Variants in HDAC9 observed in about 807,000 individuals in gnomAD.
HDAC9 encodes the protein histone deacetylase 9, also known as MEF-2 interacting transcription repressor (MITR) protein.
A neutral mutation model predicts 139.4 loss-of-function variants in HDAC9; 41 were observed. That is an observed-to-expected ratio of 0.29 (90% CI 0.23 to 0.38). The LOEUF is 0.38. Among genes scored for constraint, HDAC9 ranks in the 10% least tolerant of loss-of-function variants. The probability of loss-of-function intolerance (pLI) is 1.00; values close to 1 mark genes in which losing one functional copy is unlikely to be tolerated. For missense variants in HDAC9, 1,147 were observed against 1,297.0 expected (o/e 0.88, Z 1.78); for synonymous variants, 517 against 476.2 (o/e 1.09, Z -1.12).
At chr7:18,276,481 A>G (rs1796727593) in intron 2 of HDAC9, among the ~76,000 whole-genome samples, 1 of 152,098 alleles carries the variant, frequency 6.6e-6, no homozygotes, top group South Asian at 2.1e-4. Context: ...TCTTTCTGTA[A>G]TTGTTTTTTA....
At position 18,999,112 on chromosome 7, in the gene HDAC9, G is replaced by T. The variant is rs1786621654; in HGVS notation, c.*3050G>T. 6.6e-6 allele frequency: 1 copy of T among 152,092 alleles called. No homozygotes were observed. Among genetic ancestry groups the T allele is most frequent in the Admixed American group, 6.6e-5 (1 of 15,252 alleles). The allele number at this position is 152,092 out of a possible 1,614,324, so 9.4% of individuals were successfully genotyped here. ...AATAGTGGAGACAGAAGTCAGCTTT[G>T]GAGAAAATAGAGATATTTATGAAAA... On this transcript the variant is annotated 3_prime_UTR_variant, in exon 26 of 26. Coordinates refer to ENST00000686413, the MANE Select transcript of HDAC9 (RefSeq NM_178425.4).
At chr7:18,588,847 G>C in intron 3 of HDAC9, among the ~76,000 whole-genome samples, 1 of 152,204 alleles carries the variant, frequency 6.6e-6, no homozygotes, top group Non-Finnish European at 1.5e-5. Flanking sequence ...CATCACATGA[G>C]GTCAGGTATG....
At chr7:18,493,137 C>A (rs1363690284), upstream of HDAC9, among the ~76,000 whole-genome samples, 1 of 151,724 alleles carries the variant, frequency 6.6e-6, no homozygotes, top group Non-Finnish European at 1.5e-5. Flanking sequence ...GAGTTTTATT[C>A]TATTTTTTAT....
intron 1 of HDAC9, among the ~76,000 whole-genome samples, chr7:18,464,502 G>A (rs1159871424): frequency 6.6e-6 from 1 of 151,862 alleles, no homozygotes; most frequent in Non-Finnish European, 1.5e-5. Flanking sequence ...CTTGATTTTT[G>A]TCAGATTGTC....
At chr7:18,804,905 C>T (rs747005322) in intron 17 of HDAC9, among the ~76,000 whole-genome samples, 3 of 152,174 alleles carry the variant, frequency 2.0e-5, no homozygotes, top group Non-Finnish European at 4.4e-5. Context: ...AGTGATTCTC[C>T]AGCCTCAGCC....
At chr7:18,535,309 C>A (rs1810500724) in intron 2 of HDAC9, among the ~76,000 whole-genome samples, 2 of 151,960 alleles carry the variant, frequency 1.3e-5, no homozygotes, top group Admixed American at 6.6e-5. Flanking sequence ...TTTTAAATCA[C>A]CCCCAAATTG....
intron 1 of HDAC9, among the ~76,000 whole-genome samples, chr7:18,140,220 C>A (rs1172412003): frequency 6.6e-6 from 1 of 152,106 alleles, no homozygotes; most frequent in Non-Finnish European, 1.5e-5. Flanking sequence ...AAAGGACCTT[C>A]TGATAGGAAA....
chr7:18,517,021 C>T (rs1409405316), intron 2 of HDAC9, among the ~76,000 whole-genome samples: 1 of 152,042 alleles, frequency 6.6e-6, no homozygotes, highest in Admixed American at 6.6e-5. Context: ...CAACAACAAC[C>T]ACCACCATCA....
At chr7:18,686,567 A>T (rs568930170) in intron 12 of HDAC9, among the ~76,000 whole-genome samples, 1 of 152,046 alleles carries the variant, frequency 6.6e-6, no homozygotes, top group Admixed American at 6.6e-5. Context: ...AATTTGCCTT[A>T]TGTATTAATG....
At chr7:18,241,336 A>G (rs1794175984) in intron 2 of HDAC9, among the ~76,000 whole-genome samples, 2 of 152,168 alleles carry the variant, frequency 1.3e-5, no homozygotes. Flanking sequence ...CATTATTGTC[A>G]TAGTTGGTTT....
intron 2 of HDAC9, among the ~76,000 whole-genome samples, chr7:18,274,533 A>G (rs911506288): frequency 7.2e-5 from 11 of 152,172 alleles, no homozygotes; most frequent in East Asian, 1.9e-4. Flanking sequence ...ACACCTTCCA[A>G]TAGGCCCTAC....
intron 2 of HDAC9, among the ~76,000 whole-genome samples, chr7:18,178,047 A>C (rs1228775427): frequency 6.5e-4 from 74 of 113,174 alleles, no homozygotes; most frequent in African/African-American, 9.0e-4. Context: ...CCATCCCCCT[A>C]CCTCCCCTTC....
chr7:18,523,641 G>C (rs1289596759), intron 2 of HDAC9, among the ~76,000 whole-genome samples: 1 of 152,188 alleles, frequency 6.6e-6, no homozygotes, highest in South Asian at 2.1e-4. Context: ...TGTGTGTTGG[G>C]AGACTGATAA....
At chr7:18,576,748 C>G (rs977622130) in intron 2 of HDAC9, among the ~76,000 whole-genome samples, 10 of 151,596 alleles carry the variant, frequency 6.6e-5, no homozygotes, top group African/African-American at 2.4e-4. Context: ...CTCTGTTTCT[C>G]TTGTGTCTGC....
chr7:18,697,666 T>C (rs1783152579), intron 12 of HDAC9, among the ~76,000 whole-genome samples: 2 of 152,198 alleles, frequency 1.3e-5, no homozygotes. Context: ...ATGGCTCTTA[T>C]CCCTTGAGTC....
At position 18,604,492 on chromosome 7, in the gene HDAC9, T is replaced by C. The variant is rs190631399; in HGVS notation, c.664+10463T>C. On this transcript the variant is annotated intron_variant, in intron 6 of 25. Coordinates refer to ENST00000686413, the MANE Select transcript of HDAC9 (RefSeq NM_178425.4). Reference sequence around the variant, plus strand: ...CGTGATCTTGGCTCACTGCAAGCTCTGCCTCCTGGGTTCACGCCATTCTCC... The same window carrying C: ...CGTGATCTTGGCTCACTGCAAGCTCCGCCTCCTGGGTTCACGCCATTCTCC... Among the ~76,000 whole-genome samples the C allele has an allele frequency of 4.0e-3, 605 of 151,756 alleles. 3 individuals carry two copies. Among genetic ancestry groups the C allele is most frequent in the African/African-American group, 0.014 (578 of 41,398 alleles).
At chr7:18,920,597 T>G (rs937367725) in intron 22 of HDAC9, among the ~76,000 whole-genome samples, 4 of 152,166 alleles carry the variant, frequency 2.6e-5, no homozygotes, top group African/African-American at 9.7e-5. Flanking sequence ...TGCTTCCAGT[T>G]TTTGTCCATT....
chr7:18,540,585 A>G (rs1812495188), intron 2 of HDAC9, among the ~76,000 whole-genome samples: 1 of 152,052 alleles, frequency 6.6e-6, no homozygotes, highest in Non-Finnish European at 1.5e-5. Flanking sequence ...TTAAACAGAC[A>G]TGAAATATTT....
At chr7:18,451,230 A>G (rs1454881459) in intron 1 of HDAC9, among the ~76,000 whole-genome samples, 1 of 152,112 alleles carries the variant, frequency 6.6e-6, no homozygotes, top group African/African-American at 2.4e-5. Flanking sequence ...CTCACCAGAC[A>G]TAAATATGCT....
Sources: gnomAD v4.1 joint callset for allele counts (sites outside exome capture counted in the v4.1 genomes callset) on GRCh38, gnomAD v4.1.1 for gene constraint, MANE v1.5 for transcripts, NCBI Gene and HGNC (gene_info 2026-07-23, HGNC 2026-07-21) for gene names.